The following CELF2 variants were observed in gnomAD, a reference collection of about 807,000 sequenced individuals.
The protein encoded by CELF2 is CUGBP Elav-like family member 2.
CELF2 carries 8 observed loss-of-function variants against 62.6 expected under a neutral mutation model. The observed-to-expected ratio is 0.13, with a 90% CI of 0.07 to 0.23. The LOEUF is 0.23. Among genes scored for constraint, CELF2 ranks in the 10% least tolerant of loss-of-function variants. The probability of loss-of-function intolerance (pLI) is 1.00; values close to 1 mark genes in which losing one functional copy is unlikely to be tolerated. For synonymous variants in CELF2, 258 were observed against 250.0 expected (o/e 1.03, Z -0.30); for missense variants, 333 against 671.0 (o/e 0.50, Z 5.56).
chr10:11,121,832 A>G (rs1042832542), intron 1 of CELF2, among the ~76,000 whole-genome samples: 6 of 152,118 alleles, frequency 3.9e-5, no homozygotes, highest in Non-Finnish European at 5.9e-5. Context: ...TTCTGAATAC[A>G]CGGAGCCCAG....
chr10:10,469,988 G>T, the CELF2 span, among the ~76,000 whole-genome samples: 1 of 151,770 alleles, frequency 6.6e-6, no homozygotes, highest in Non-Finnish European at 1.5e-5. Context: ...AAAACTTCTT[G>T]AGCACCCAAC....
At chr10:10,629,428 G>A in the CELF2 span, among the ~76,000 whole-genome samples, 10 of 152,280 alleles carry the variant, frequency 6.6e-5, 1 homozygote, top group African/African-American at 2.4e-4. Flanking sequence ...TGGATGAGTG[G>A]TTGTATTTGC....
chr10:10,626,515 GA>G, the CELF2 span, among the ~76,000 whole-genome samples: 18 of 147,998 alleles, frequency 1.2e-4, no homozygotes, highest in Middle Eastern at 6.8e-3. Flanking sequence ...CATAGGGAAA[GA>G]AAAAAAAAAG....
At chr10:11,054,489 T>TGTGTGTGTG (rs1554804023) in intron 1 of CELF2, among the ~76,000 whole-genome samples, 13 of 149,574 alleles carry the variant, frequency 8.7e-5, no homozygotes, top group African/African-American at 2.2e-4. Context: ...GTATGTGTGT[T>TGTGTGTGTG]TGTGTGTGTG....
At chr10:11,086,578 T>A (rs985480100) in intron 1 of CELF2, among the ~76,000 whole-genome samples, 10 of 71,980 alleles carry the variant, frequency 1.4e-4, no homozygotes, top group East Asian at 7.9e-4. Flanking sequence ...TTGCATTTGT[T>A]AAAAAAAAAA....
chr10:11,320,212 T>G (rs1348742898), intron 10 of CELF2, among the ~76,000 whole-genome samples: 2 of 152,178 alleles, frequency 1.3e-5, no homozygotes, highest in Non-Finnish European at 2.9e-5. Flanking sequence ...GACTCCGTAT[T>G]CAGGGAAAAT....
the CELF2 span, among the ~76,000 whole-genome samples, chr10:10,503,541 G>T: frequency 1.3e-5 from 2 of 151,566 alleles, no homozygotes; most frequent in African/African-American, 4.8e-5. Flanking sequence ...TCCTACTTTC[G>T]CTTGATTAAT....
rs907035365 is a variant in CELF2, at chr10:10,829,972, C to T, written c.53+31155C>T. 3.0e-4 allele frequency among the ~76,000 whole-genome samples: 45 copies of T among 152,162 alleles called. No homozygotes were observed. In the Middle Eastern group the frequency reaches 0.014, roughly 46 times the overall value. ...CCAGGCAGTAGCAACCTGTAACCCC[C>T]CTGGCCAAGTTCTCTTCCCCCACCA... On this transcript the variant is annotated intron_variant, in intron 1 of 13. Coordinates refer to the CELF2 transcript ENST00000636488.
chr10:11,209,854 G>T (rs1028105816), intron 2 of CELF2, among the ~76,000 whole-genome samples: 1 of 152,156 alleles, frequency 6.6e-6, no homozygotes, highest in Non-Finnish European at 1.5e-5. Flanking sequence ...ATGGCAAGGG[G>T]AATCAAGTAA....
Position 11,197,074 on chromosome 10 carries a change from A to AGAAAGAAAGAAAGAAAG in CELF2, c.272-20340_272-20339insAGAAAGGAAAGAAAGAA, listed in dbSNP as rs1565234637. Among the ~76,000 whole-genome samples the AGAAAGAAAGAAAGAAAG allele has an allele frequency of 6.4e-5, 9 of 141,578 alleles. 1 individual carries two copies. Among genetic ancestry groups the AGAAAGAAAGAAAGAAAG allele is most frequent in the South Asian group, 2.2e-4 (1 of 4,496 alleles). 92.9% of individuals were successfully genotyped at this position (141,578 alleles called of 152,430 possible). On this transcript the variant is annotated intron_variant, in intron 2 of 12. Coordinates refer to ENST00000633077, the MANE Select transcript of CELF2 (RefSeq NM_001326342.2). ...GAAAGAAAGAAAAGAAAGAAAGGAA[A>AGAAAGAAAGAAAGAAAG]GAAAGAAAGAAGAAAGAAAGAAGGG...
chr10:10,871,404 T>C (rs2060738564), intron 1 of CELF2, among the ~76,000 whole-genome samples: 2 of 152,252 alleles, frequency 1.3e-5, no homozygotes, highest in African/African-American at 4.8e-5. Context: ...AAGATTTCTT[T>C]TTTAAAGCCA....
At chr10:10,911,960 G>A (rs915544284) in intron 1 of CELF2, among the ~76,000 whole-genome samples, 4 of 152,240 alleles carry the variant, frequency 2.6e-5, no homozygotes, top group Admixed American at 2.0e-4. Context: ...GATGTGGTGA[G>A]TTTATTTAAG....
chr10:11,165,697 G>T lies in CELF2; in HGVS notation c.271+15G>T, dbSNP rs946330165. On this transcript the variant is annotated intron_variant, in intron 2 of 12. Transcript: ENST00000633077. This position sits in a 1 kb window ranked among gnomAD's most constrained non-coding sequence, Gnocchi z 7.4. ...GCAGAGTAAAGGTACAGAGCGCGGG[G>T]CGGGGGTCGCCAGGCGTCCAGGTGG... is the stretch of plus-strand genomic sequence containing the variant. 6.2e-7 allele frequency: 1 copy of T among 1,601,566 alleles called. No homozygotes were observed. Among genetic ancestry groups the T allele is most frequent in the Non-Finnish European group, 8.5e-7 (1 of 1,174,110 alleles).
chr10:11,087,642 C>T (rs2047176479), intron 1 of CELF2, among the ~76,000 whole-genome samples: 1 of 152,212 alleles, frequency 6.6e-6, no homozygotes, highest in African/African-American at 2.4e-5. Context: ...GATTTGACTC[C>T]ATATTATTCA....
chr10:11,256,644 C>T (rs72775838), intron 4 of CELF2, among the ~76,000 whole-genome samples: 9,363 of 138,070 alleles, frequency 0.068, 498 homozygotes, highest in East Asian at 0.14. Flanking sequence ...GACTTCTCCC[C>T]GTGGGTGTCT....
At chr10:10,623,897 G>T in the CELF2 span, among the ~76,000 whole-genome samples, 2 of 152,132 alleles carry the variant, frequency 1.3e-5, no homozygotes, top group African/African-American at 4.8e-5. Context: ...CCAATGAGTT[G>T]AACTGGTGAG....
At chr10:10,823,980 A>G (rs1342001777) in intron 1 of CELF2, among the ~76,000 whole-genome samples, 1 of 152,194 alleles carries the variant, frequency 6.6e-6, no homozygotes, top group Admixed American at 6.5e-5. Flanking sequence ...ATAGATAGAT[A>G]GATAGATACA....
chr10:10,656,750 T>C, the CELF2 span, among the ~76,000 whole-genome samples: 11 of 115,434 alleles, frequency 9.5e-5, no homozygotes, highest in East Asian at 1.4e-3. Flanking sequence ...AGGGATAGCA[T>C]TGGGAGATAT....
At chr10:11,154,993 A>G (rs1022868741) in intron 1 of CELF2, among the ~76,000 whole-genome samples, 4 of 152,198 alleles carry the variant, frequency 2.6e-5, no homozygotes, top group South Asian at 2.1e-4. Flanking sequence ...AGCAAATTAG[A>G]TGGTACACAA....
Sources: gnomAD v4.1 joint callset for allele counts (sites outside exome capture counted in the v4.1 genomes callset) on GRCh38, gnomAD v4.1.1 for gene constraint, Gnocchi (gnomAD v3.1) non-coding constraint, MANE v1.5 for transcripts, NCBI Gene and HGNC (gene_info 2026-07-23, HGNC 2026-07-21) for gene names.